The following ASTN2 variants were observed in gnomAD, a reference collection of about 807,000 sequenced individuals.
ASTN2 encodes the protein astrotactin-2.
A neutral mutation model predicts 139.8 loss-of-function variants in ASTN2; 54 were observed. The ratio of observed to expected loss-of-function variants is 0.39; its 90% CI spans 0.31 to 0.48. ASTN2 has a LOEUF of 0.48. Ranked by LOEUF, ASTN2 falls within the 20% of genes least tolerant of loss-of-function variation. The pLI, the probability that ASTN2 is intolerant of heterozygous loss-of-function variation, is 0.95. For missense variants in ASTN2, 1,565 were observed against 1,725.1 expected, an observed-to-expected ratio of 0.91 and a Z score of 1.64; for synonymous variants, 756 against 719.5, an observed-to-expected ratio of 1.05 and a Z score of -0.81.
intron 3 of ASTN2, among the ~76,000 whole-genome samples, chr9:117,159,585 T>C (rs566592867): frequency 2.0e-5 from 3 of 152,184 alleles, no homozygotes; most frequent in African/African-American, 7.2e-5. Flanking sequence ...AATTCATTAT[T>C]GAGTTGTGTG....
rs762591771 is a variant in ASTN2 at position 116,505,048 on chromosome 9, T to C, written c.3356-17548A>G. Among the ~76,000 whole-genome samples the C allele has an allele frequency of 1.0e-3, 157 of 152,126 alleles. 1 individual carries two copies. Among genetic ancestry groups the C allele is most frequent in the Non-Finnish European group, 1.8e-3 (121 of 67,994 alleles). On this transcript the variant is annotated intron_variant, in intron 19 of 22. Transcript: ENST00000313400. ...AAATTGCGCAACTGAGATTTGACTA[T>C]TATGAGGGAAGAGTAAAGGTCAGAC...
chr9:117,049,514 C>T (rs1432987675), intron 5 of ASTN2, among the ~76,000 whole-genome samples: 1 of 152,068 alleles, frequency 6.6e-6, no homozygotes, highest in East Asian at 1.9e-4. Flanking sequence ...TAGCAGAGCC[C>T]AATAATCAAC....
At position 116,891,435 on chromosome 9, in the gene ASTN2, T is replaced by G. The variant is rs1476518180; in HGVS notation, c.1890-27702A>C. Among the ~76,000 whole-genome samples, 9 of 152,384 alleles carry G rather than the reference T, an allele frequency of 5.9e-5. 1 individual carries two copies. In the Middle Eastern group the frequency reaches 0.024, roughly 403 times the overall value. On this transcript the variant is annotated intron_variant, in intron 10 of 22. Transcript: ENST00000313400. ...TCATATGTTTATCAAGTGTTTACTA[T>G]GTGTCAAGCAGTGAGCTAGGCACTT...
At chr9:117,192,258 C>G (rs1831369016) in intron 3 of ASTN2, among the ~76,000 whole-genome samples, 1 of 151,960 alleles carries the variant, frequency 6.6e-6, no homozygotes, top group South Asian at 2.1e-4. Context: ...GAAACCAAAG[C>G]AAAAAAGCCG....
chr9:116,894,165 T>C (rs1412735623), intron 10 of ASTN2, among the ~76,000 whole-genome samples: 3 of 152,158 alleles, frequency 2.0e-5, no homozygotes, highest in Admixed American at 6.5e-5. Flanking sequence ...ACTTGCCAGT[T>C]CCTAGATCAA....
At chr9:116,634,220 A>G (rs1856945966) in intron 17 of ASTN2, among the ~76,000 whole-genome samples, 2 of 152,226 alleles carry the variant, frequency 1.3e-5, no homozygotes, top group South Asian at 4.1e-4. Flanking sequence ...ATAAATATCC[A>G]CATATACTTG....
chr9:116,980,405 A>G (rs1268240232), intron 7 of ASTN2, among the ~76,000 whole-genome samples: 1 of 152,122 alleles, frequency 6.6e-6, no homozygotes, highest in Non-Finnish European at 1.5e-5. Flanking sequence ...AAAAAAAAGA[A>G]AAGTGTTTCC....
At chr9:117,127,719 T>C (rs182318414) in intron 4 of ASTN2, among the ~76,000 whole-genome samples, 6,009 of 138,346 alleles carry the variant, frequency 0.043, 188 homozygotes, top group Middle Eastern at 0.085. Context: ...CTCACTCTGT[T>C]GCCCAGGCTG....
chr9:117,039,770 G>A (rs1486779530), intron 6 of ASTN2, 49 bp downstream of exon 6: 4 of 1,574,580 alleles, frequency 2.5e-6, no homozygotes, highest in South Asian at 1.2e-5. Flanking sequence ...CCAGTCAGGG[G>A]TGCAAGGTGC....
At chr9:117,099,582 C>A (rs1828924189) in intron 4 of ASTN2, among the ~76,000 whole-genome samples, 1 of 152,178 alleles carries the variant, frequency 6.6e-6, no homozygotes, top group South Asian at 2.1e-4. Flanking sequence ...TATTCTAAAG[C>A]CTTTACATGG....
At chr9:116,632,252 G>GAAAGAAAGAAAGAAAGAAA (rs1856833378) in intron 17 of ASTN2, among the ~76,000 whole-genome samples, 2 of 70,916 alleles carry the variant, frequency 2.8e-5, no homozygotes, top group African/African-American at 7.1e-5. Context: ...AAAGAAAGAA[G>GAAAGAAAGAAAGAAAGAAA]GAAAGAAAGA....
intron 19 of ASTN2, among the ~76,000 whole-genome samples, chr9:116,536,230 C>A (rs1011603435): frequency 3.9e-5 from 6 of 152,008 alleles, no homozygotes; most frequent in Middle Eastern, 3.4e-3. Context: ...GACTTCTCTG[C>A]ATTGGTTATT....
chr9:116,858,429 G>A (rs1280966207), intron 11 of ASTN2, among the ~76,000 whole-genome samples: 1 of 152,220 alleles, frequency 6.6e-6, no homozygotes, highest in African/African-American at 2.4e-5. Flanking sequence ...AATGGCATTA[G>A]TGAAGTGCGT....
intron 19 of ASTN2, among the ~76,000 whole-genome samples, chr9:116,500,141 C>G (rs552243269): frequency 6.6e-6 from 1 of 152,316 alleles, no homozygotes; most frequent in Non-Finnish European, 1.5e-5. Context: ...GCCACCCACA[C>G]TGGTTACCCA....
In ASTN2 at chr9:117,092,656, T is replaced by C. The variant is rs1828734810; in HGVS notation, c.1276+3388A>G. Among the ~76,000 whole-genome samples, 3 of 152,284 alleles carry C rather than the reference T, an allele frequency of 2.0e-5. No homozygotes were observed. The South Asian group carries it at 6.2e-4, about 32-fold the overall frequency. On this transcript the variant is annotated intron_variant, in intron 5 of 22. Coordinates refer to ENST00000313400, the MANE Select transcript of ASTN2 (RefSeq NM_001365068.1). ...GTCCCAAATGCTATTAGATGACCAT[T>C]CTCAACTAGCACAGGGAACTGCCTT...
chr9:116,898,388 T>G, intron 10 of ASTN2, among the ~76,000 whole-genome samples: 1 of 135,610 alleles, frequency 7.4e-6, no homozygotes. Flanking sequence ...CCAGCCTGGG[T>G]GACAGAACAA....
chr9:117,263,235 T>C (rs759352981), intron 2 of ASTN2, among the ~76,000 whole-genome samples: 40 of 152,182 alleles, frequency 2.6e-4, no homozygotes, highest in African/African-American at 4.1e-4. Flanking sequence ...AGTAATCTTA[T>C]GACCGGGAGA....
chr9:116,877,324 G>T (rs1215882326), intron 10 of ASTN2, among the ~76,000 whole-genome samples: 1 of 151,268 alleles, frequency 6.6e-6, no homozygotes, highest in East Asian at 1.9e-4. Context: ...GTTTTTTTTT[G>T]GCTATGCTGA....
At chr9:116,483,739 T>C (rs1849247415) in intron 20 of ASTN2, among the ~76,000 whole-genome samples, 1 of 151,840 alleles carries the variant, frequency 6.6e-6, no homozygotes, top group Admixed American at 6.6e-5. Context: ...GGGCAGGAGC[T>C]CAGGAGGAGA....
Sources: gnomAD v4.1 joint callset for allele counts (sites outside exome capture counted in the v4.1 genomes callset) on GRCh38, gnomAD v4.1.1 for gene constraint, MANE v1.5 for transcripts, NCBI Gene and HGNC (gene_info 2026-07-23, HGNC 2026-07-21) for gene names.